The following MTA1 variants were observed in gnomAD, a reference collection of about 807,000 sequenced individuals.
MTA1 encodes the protein metastasis associated 1.
Under a neutral mutation model 97.0 loss-of-function variants are expected in MTA1, and 15 were observed. The observed-to-expected ratio is 0.15, with a 90% CI of 0.10 to 0.24. MTA1 has a LOEUF of 0.24. MTA1 is among the 10% of genes least tolerant of loss of function. The probability of loss-of-function intolerance (pLI) is 1.00; values close to 1 mark genes in which losing one functional copy is unlikely to be tolerated. For missense variants in MTA1, 709 were observed against 1,015.1 expected, an observed-to-expected ratio of 0.70 and a Z score of 4.10; for synonymous variants, 435 against 417.5, an observed-to-expected ratio of 1.04 and a Z score of -0.51.
chr14:105,467,101 G>A (rs1182563531), intron 18 of MTA1: 5 of 426,626 alleles, frequency 1.2e-5, no homozygotes, highest in Admixed American at 3.9e-5. Flanking sequence ...CCTTCCGTGC[G>A]CCTGCCAGGC....
intron 2 of MTA1, among the ~76,000 whole-genome samples, chr14:105,441,596 C>T (rs2082519812): frequency 1.3e-5 from 2 of 152,188 alleles, no homozygotes; most frequent in Admixed American, 1.3e-4. Flanking sequence ...AGATCGAGAC[C>T]ATCCTGGCTA....
chr14:105,439,047 C>T (rs1179802487), intron 2 of MTA1, among the ~76,000 whole-genome samples: 1 of 152,132 alleles, frequency 6.6e-6, no homozygotes, highest in Admixed American at 6.5e-5. Context: ...GGAGCCCGAG[C>T]GGAATGGTGT....
chr14:105,439,218 G>A (rs1317430709), intron 2 of MTA1, among the ~76,000 whole-genome samples: 4 of 130,520 alleles, frequency 3.1e-5, no homozygotes, highest in Non-Finnish European at 6.9e-5. Context: ...AGCCCTGCAG[G>A]GCTGTGAGCT....
chr14:105,419,978 G>GCCGCCCGCGCCGAGCGCCGCGC lies in MTA1; in HGVS notation c.-51_-30dup. 1.1e-6 allele frequency: 1 copy of GCCGCCCGCGCCGAGCGCCGCGC among 931,320 alleles called. No homozygotes were observed. Among genetic ancestry groups the GCCGCCCGCGCCGAGCGCCGCGC allele is most frequent in the Non-Finnish European group, 1.3e-6 (1 of 782,046 alleles). 57.7% of individuals were successfully genotyped at this position (931,320 alleles called of 1,614,324 possible). ...CCGCCATCGCGCCTCCATTTTCCCG[G>GCCGCCCGCGCCGAGCGCCGCGC]CCGCCCGCGCCGAGCGCCGCGCCCG... is the stretch of plus-strand genomic sequence containing the variant. On this transcript the variant is annotated 5_prime_UTR_variant, in exon 1 of 21. Coordinates refer to ENST00000331320, the MANE Select transcript of MTA1 (RefSeq NM_004689.4).
chr14:105,440,887 T>G (rs1555425498), intron 2 of MTA1, among the ~76,000 whole-genome samples: 2 of 152,202 alleles, frequency 1.3e-5, no homozygotes, highest in Non-Finnish European at 2.9e-5. Context: ...CTCCCCTCTG[T>G]TCCCTGGACT....
chr14:105,445,753 G>C, intron 3 of MTA1: 1 of 633,316 alleles, frequency 1.6e-6, no homozygotes, highest in Non-Finnish European at 3.0e-6. Context: ...TCTCTCACTG[G>C]CATCCTCTGC....
At chr14:105,430,565 G>A (rs1302670903) in intron 1 of MTA1, among the ~76,000 whole-genome samples, 1 of 152,096 alleles carries the variant, frequency 6.6e-6, no homozygotes, top group Non-Finnish European at 1.5e-5. Context: ...TTGGAAAAAT[G>A]GCACCGATGG....
chr14:105,467,485 C>A (rs1212569469), intron 18 of MTA1: 1 of 455,856 alleles, frequency 2.2e-6, no homozygotes, highest in African/African-American at 2.0e-5. Flanking sequence ...TCTCTCGAGG[C>A]TGCTGGGTGT....
At chr14:105,458,828 C>T (rs114621470) in intron 8 of MTA1, among the ~76,000 whole-genome samples, 2,890 of 152,326 alleles carry the variant, frequency 0.019, 136 homozygotes, top group East Asian at 0.16. Context: ...AGCCCCAAGG[C>T]GGCTGCCAAT....
chr14:105,458,558 C>A (rs2083240992), intron 8 of MTA1, among the ~76,000 whole-genome samples, 186 bp downstream of exon 8: 1 of 152,154 alleles, frequency 6.6e-6, no homozygotes, highest in Non-Finnish European at 1.5e-5. Flanking sequence ...GGGTCCAGGC[C>A]CTTCATTAAA....
chr14:105,441,369 C>T (rs2082507003), intron 2 of MTA1, among the ~76,000 whole-genome samples: 1 of 152,226 alleles, frequency 6.6e-6, no homozygotes, highest in Non-Finnish European at 1.5e-5. Context: ...GCCCGCTACC[C>T]CAGCACCCAT....
chr14:105,451,799 T>C (rs1595368123), intron 6 of MTA1, among the ~76,000 whole-genome samples: 1 of 102,272 alleles, frequency 9.8e-6, no homozygotes, highest in African/African-American at 3.0e-5. Context: ...TTTTTTTTTT[T>C]TTTTTTTTGA....
Position 105,420,199 on chromosome 14 carries a change from G to A in MTA1, c.28+136G>A, listed in dbSNP as rs1406003572. On this transcript the variant is annotated intron_variant, in intron 1 of 20. Transcript: ENST00000331320. This position sits in a 1 kb window ranked among gnomAD's most constrained non-coding sequence, Gnocchi z 5.3. ...CCCTCGCGGCCCCCGGCTCCTTCCC[G>A]AACCGCCCCCCGCCGTGCTCACCCC... The A allele has an allele frequency of 1.6e-5, 6 of 366,362 alleles. No homozygotes were observed. The highest frequency in any genetic ancestry group is 7.5e-6 in the Non-Finnish European group (2 of 265,612). The allele number at this position is 366,362 out of a possible 1,614,324, so 22.7% of individuals were successfully genotyped here. A position where few individuals can be genotyped will look rare whatever the true frequency, so the allele number is the denominator to read the frequency against.
At chr14:105,469,553 G>C in intron 19 of MTA1, 55 bp downstream of exon 19, 1 of 1,598,072 alleles carries the variant, frequency 6.3e-7, no homozygotes. Flanking sequence ...AGCTCTCTGG[G>C]GTGTTGGGAA....
At chr14:105,469,360 C>A in intron 18 of MTA1, 107 bp from the exon 19 acceptor site, 1 of 1,268,120 alleles carries the variant, frequency 7.9e-7, no homozygotes. Flanking sequence ...GCTTGGTTGG[C>A]AGATGGCCCC....
intron 2 of MTA1, among the ~76,000 whole-genome samples, chr14:105,441,692 G>T (rs1314258830): frequency 7.2e-5 from 11 of 152,214 alleles, no homozygotes; most frequent in Non-Finnish European, 1.0e-4. Context: ...TACTCGGGAG[G>T]CTGAGGCAGG....
chr14:105,466,663 C>T (rs1555432964), intron 17 of MTA1, 44 bp from the exon 18 acceptor site: 2 of 1,602,068 alleles, frequency 1.2e-6, no homozygotes, highest in East Asian at 2.2e-5. Flanking sequence ...GCCGTGCGTG[C>T]TGACGCTGTC....
chr14:105,430,463 G>C (rs2082145430), intron 1 of MTA1, among the ~76,000 whole-genome samples: 1 of 152,172 alleles, frequency 6.6e-6, no homozygotes, highest in Admixed American at 6.5e-5. Context: ...AATGACCACA[G>C]ATCGCCATCA....
chr14:105,423,305 C>T (rs1207080258), intron 1 of MTA1, among the ~76,000 whole-genome samples: 7 of 150,284 alleles, frequency 4.7e-5, no homozygotes, highest in East Asian at 1.9e-4. Flanking sequence ...CTGCAACCTC[C>T]GCCTCCCCGG....
Sources: allele counts gnomAD v4.1 joint callset (sites outside exome capture counted in the v4.1 genomes callset), GRCh38; gene constraint gnomAD v4.1.1; non-coding constraint Gnocchi (gnomAD v3.1); transcripts MANE v1.5; gene names NCBI Gene and HGNC (gene_info 2026-07-23, HGNC 2026-07-21).